Variants in ASIC2 observed in about 807,000 individuals in gnomAD.
ASIC2 encodes the protein acid-sensing ion channel 2.
In ASIC2, 25 loss-of-function variants were observed where a neutral mutation model predicts 57.3. That is an observed-to-expected ratio of 0.44 (90% CI 0.32 to 0.61). ASIC2 has a LOEUF of 0.61. ASIC2 is among the 20% of genes least tolerant of loss of function. ASIC2 has a pLI of 0.06. For synonymous variants in ASIC2, 319 were observed against 307.5 expected, an observed-to-expected ratio of 1.04 and a Z score of -0.39; for missense variants, 641 against 738.1, an observed-to-expected ratio of 0.87 and a Z score of 1.52.
chr17:33,917,563 T>G (rs1212522427), intron 1 of ASIC2, among the ~76,000 whole-genome samples: 1 of 152,208 alleles, frequency 6.6e-6, no homozygotes, highest in Non-Finnish European at 1.5e-5. Context: ...TGCAATAACC[T>G]ACTGAATAGT....
At chr17:33,509,256 A>G (rs953601720) in intron 1 of ASIC2, among the ~76,000 whole-genome samples, 2 of 152,142 alleles carry the variant, frequency 1.3e-5, no homozygotes, top group African/African-American at 4.8e-5. Flanking sequence ...GCATGTAGGT[A>G]ATGGGGACCA....
At chr17:33,902,813 A>T (rs1240640616) in intron 1 of ASIC2, among the ~76,000 whole-genome samples, 2 of 152,200 alleles carry the variant, frequency 1.3e-5, no homozygotes, top group African/African-American at 2.4e-5. Flanking sequence ...TAAGATTAGA[A>T]ATTCAGCCAG....
At chr17:33,761,996 GAAGGCATGGAAAAACTGGTTC>G (rs1910798445) in intron 1 of ASIC2, among the ~76,000 whole-genome samples, 1 of 152,168 alleles carries the variant, frequency 6.6e-6, no homozygotes, top group Admixed American at 6.5e-5. Flanking sequence ...AAGGGTGGAT[GAAGGCATGGAAAAACTGGTTC>G]ACTGACAAAT....
At chr17:33,716,485 C>T (rs1909222530) in intron 1 of ASIC2, among the ~76,000 whole-genome samples, 2 of 152,184 alleles carry the variant, frequency 1.3e-5, no homozygotes, top group Admixed American at 1.3e-4. Flanking sequence ...GAGTTGGGCT[C>T]AAAGTGGGAG....
chr17:33,128,458 A>T (rs1404298914), intron 1 of ASIC2, among the ~76,000 whole-genome samples: 1 of 152,186 alleles, frequency 6.6e-6, no homozygotes, highest in Non-Finnish European at 1.5e-5. Context: ...ATGGGGATGG[A>T]GACTTGCATG....
intron 1 of ASIC2, among the ~76,000 whole-genome samples, chr17:33,888,448 T>C (rs1201933390): frequency 1.3e-5 from 2 of 152,144 alleles, no homozygotes; most frequent in African/African-American, 4.8e-5. Context: ...CTCCACCTCC[T>C]AACCCTAACC....
intron 1 of ASIC2, among the ~76,000 whole-genome samples, chr17:33,996,304 C>T (rs1257943760): frequency 6.6e-6 from 1 of 151,838 alleles, no homozygotes; most frequent in Non-Finnish European, 1.5e-5. Flanking sequence ...TGTAGGTTGC[C>T]TCTTCATTCT....
At position 33,017,697 on chromosome 17, in the gene ASIC2, G is replaced by A; in HGVS notation, c.1442-13C>T. The A allele has an allele frequency of 6.2e-7, 1 of 1,609,612 alleles. No individual in the cohort carries two copies. Among genetic ancestry groups the A allele is most frequent in the Non-Finnish European group, 8.5e-7 (1 of 1,176,186 alleles). On this transcript the variant is annotated splice_polypyrimidine_tract_variant and intron_variant, in intron 7 of 9. Coordinates refer to ENST00000225823, the MANE Select transcript of ASIC2 (RefSeq NM_183377.2). ...CCACCAATATCACCTGGAGAGAGAG[G>A]GAAAAGACCAAAGCTTTGCTTTTAT...
intron 1 of ASIC2, among the ~76,000 whole-genome samples, chr17:34,035,607 A>G (rs753868387): frequency 1.1e-4 from 17 of 152,168 alleles, no homozygotes; most frequent in Admixed American, 2.6e-4. Context: ...CCTACAGAAC[A>G]GGAAAAAATT....
intron 1 of ASIC2, among the ~76,000 whole-genome samples, chr17:33,261,281 C>T (rs1415008475): frequency 6.6e-6 from 1 of 152,210 alleles, no homozygotes; most frequent in African/African-American, 2.4e-5. Flanking sequence ...ACACTGTCTC[C>T]CATCTTCCCC....
intron 1 of ASIC2, among the ~76,000 whole-genome samples, chr17:33,638,814 G>C (rs577654254): frequency 1.3e-5 from 2 of 152,044 alleles, no homozygotes; most frequent in African/African-American, 4.8e-5. Flanking sequence ...AAAACTACCA[G>C]AGGATTAGTA....
intron 1 of ASIC2, among the ~76,000 whole-genome samples, chr17:33,776,373 G>C (rs1032826293): frequency 6.6e-6 from 1 of 152,188 alleles, no homozygotes; most frequent in East Asian, 1.9e-4. Context: ...GAGCCAGGAA[G>C]CAGGCTTTCA....
chr17:34,117,977 G>A (rs1164362686), intron 1 of ASIC2, among the ~76,000 whole-genome samples: 1 of 152,148 alleles, frequency 6.6e-6, no homozygotes, highest in Non-Finnish European at 1.5e-5. Context: ...ATTCTCTAGT[G>A]CAACTTCTTA....
At chr17:33,787,969 C>T (rs1478307200) in intron 1 of ASIC2, among the ~76,000 whole-genome samples, 1 of 152,068 alleles carries the variant, frequency 6.6e-6, no homozygotes, top group Non-Finnish European at 1.5e-5. Context: ...TAGAAGAAAA[C>T]GTAGGCAATA....
chr17:33,612,032 G>T (rs111471779), intron 1 of ASIC2, among the ~76,000 whole-genome samples: 196 of 152,308 alleles, frequency 1.3e-3, no homozygotes, highest in African/African-American at 4.3e-3. Context: ...CCAAGTCCAC[G>T]TCTGAAGGAA....
intron 1 of ASIC2, among the ~76,000 whole-genome samples, chr17:33,115,817 A>G (rs1432828727): frequency 6.6e-6 from 1 of 152,226 alleles, no homozygotes; most frequent in Non-Finnish European, 1.5e-5. Flanking sequence ...TCGAGAGGGC[A>G]GGAACTGTGT....
intron 1 of ASIC2, among the ~76,000 whole-genome samples, chr17:33,987,345 C>T (rs554217390): frequency 2.0e-5 from 3 of 152,266 alleles, no homozygotes; most frequent in East Asian, 1.9e-4. Context: ...GCATCTGTCT[C>T]CCAGCACTCT....
chr17:33,951,987 C>A (rs1904590773), intron 1 of ASIC2, among the ~76,000 whole-genome samples: 1 of 152,108 alleles, frequency 6.6e-6, no homozygotes. Flanking sequence ...CACGTGTGAT[C>A]AATTTGTGGA....
intron 3 of ASIC2, among the ~76,000 whole-genome samples, chr17:33,078,487 A>G (rs1301828005): frequency 2.6e-5 from 4 of 152,242 alleles, no homozygotes; most frequent in Admixed American, 2.6e-4. Context: ...CTCAGAGATC[A>G]TTGCACAATA....
Sources: gnomAD v4.1 joint callset for allele counts (sites outside exome capture counted in the v4.1 genomes callset) on GRCh38, gnomAD v4.1.1 for gene constraint, MANE v1.5 for transcripts, NCBI Gene and HGNC (gene_info 2026-07-23, HGNC 2026-07-21) for gene names.